C5orf34: variants seen among roughly 807,000 people sequenced by gnomAD.
C5orf34 encodes uncharacterized protein C5orf34.
A neutral mutation model predicts 78.4 loss-of-function variants in C5orf34; 73 were observed. That is an observed-to-expected ratio of 0.93 (90% CI 0.77 to 1.13). C5orf34 has a LOEUF of 1.13. C5orf34 is among the 50% of genes most tolerant of loss of function. The probability of loss-of-function intolerance (pLI) is 0.00; values close to 1 mark genes in which losing one functional copy is unlikely to be tolerated. For synonymous variants in C5orf34, 251 were observed against 246.6 expected (o/e 1.02, Z -0.17); for missense variants, 730 against 732.7 (o/e 1.00, Z 0.04).
intron 1 of C5orf34, among the ~76,000 whole-genome samples, chr5:43,510,438 T>C (rs1357669486): frequency 6.6e-6 from 1 of 152,104 alleles, no homozygotes; most frequent in African/African-American, 2.4e-5. Flanking sequence ...TCCCTCTCCC[T>C]CTCCCCACGG....
intron 11 of C5orf34, chr5:43,490,291 C>T (rs770507708): frequency 5.7e-6 from 1 of 176,294 alleles, no homozygotes; most frequent in Non-Finnish European, 1.2e-5. Flanking sequence ...CTTTTATTTC[C>T]TTCAACATTA....
intron 6 of C5orf34, among the ~76,000 whole-genome samples, chr5:43,497,011 G>GAT (rs1745557878): frequency 6.6e-6 from 1 of 151,972 alleles, no homozygotes; most frequent in African/African-American, 2.4e-5. Context: ...AAAAGACATG[G>GAT]ATATATAGAT....
At position 43,503,713 on chromosome 5, in the gene C5orf34, G is replaced by A; in HGVS notation, c.980C>T (p.Ser327Phe). Residue 327 changes from serine (S) to phenylalanine (F), a missense_variant, in exon 5 of 13, where the codon TCC (serine) becomes TTC (phenylalanine). Physicochemically the swap from Ser to Phe is radical, Grantham distance 155. Transcript: ENST00000306862. ...SLLQRQSDEY[S>F]YPELVKMVWY... is the part of the protein sequence containing the mutation. Reference sequence around the variant, plus strand: ...AACCATTTTCACTAGTTCAGGATAGGAATATTCATCAGATTGTCTCTGTAA... The same window carrying A: ...AACCATTTTCACTAGTTCAGGATAGAAATATTCATCAGATTGTCTCTGTAA... 6.2e-7 allele frequency: 1 copy of A among 1,613,632 alleles called. No homozygotes were observed. Among genetic ancestry groups the A allele is most frequent in the Non-Finnish European group, 8.5e-7 (1 of 1,179,672 alleles).
intron 6 of C5orf34, among the ~76,000 whole-genome samples, chr5:43,499,713 T>C (rs1745680180): frequency 6.6e-6 from 1 of 152,202 alleles, no homozygotes; most frequent in Non-Finnish European, 1.5e-5. Flanking sequence ...GATATCATTG[T>C]ACGTGTTCTA....
intron 3 of C5orf34, among the ~76,000 whole-genome samples, chr5:43,507,702 G>T (rs938587161): frequency 1.3e-5 from 2 of 152,186 alleles, no homozygotes; most frequent in African/African-American, 2.4e-5. Context: ...GATAGACTAG[G>T]TTCAAATCCT....
intron 6 of C5orf34, chr5:43,495,144 CT>C (rs773964552): frequency 6.2e-7 from 1 of 1,605,710 alleles, no homozygotes; most frequent in Non-Finnish European, 8.5e-7. Context: ...TTGTCCACTG[CT>C]TTGATGACAC....
chr5:43,488,816 A>G (rs1745161662), intron 11 of C5orf34, among the ~76,000 whole-genome samples: 1 of 152,140 alleles, frequency 6.6e-6, no homozygotes, highest in African/African-American at 2.4e-5. Flanking sequence ...TACAAACTGT[A>G]ACTTGACTAG....
chr5:43,502,703 T>A (rs981145181), intron 5 of C5orf34, among the ~76,000 whole-genome samples: 1 of 152,238 alleles, frequency 6.6e-6, no homozygotes, highest in Non-Finnish European at 1.5e-5. Flanking sequence ...GGCTTATGCA[T>A]TTATTTCAAC....
At chr5:43,488,164 C>T in intron 11 of C5orf34, 1 of 527,492 alleles carries the variant, frequency 1.9e-6, no homozygotes, top group Non-Finnish European at 3.4e-6. Flanking sequence ...AAAGTCTACC[C>T]CTTGTAAATC....
chr5:43,499,339 A>G (rs1745666193), intron 6 of C5orf34, among the ~76,000 whole-genome samples: 1 of 152,136 alleles, frequency 6.6e-6, no homozygotes, highest in African/African-American at 2.4e-5. Flanking sequence ...TAGCTTAGCC[A>G]AGTTTTCCTT....
chr5:43,494,569 A>G lies in C5orf34; in HGVS notation c.1185T>C (p.Leu395=). 1 of 1,606,776 alleles carries G rather than the reference A, an allele frequency of 6.2e-7. No homozygotes were observed. The highest frequency in any genetic ancestry group is 8.5e-7 in the Non-Finnish European group (1 of 1,175,188). ...REEKTYSVNN[L]PPDRPGSPFT... Reference sequence around the variant, plus strand: ...ATGGACTTCCCGGTCTATCTGGAGGAAGGTTATTTACTGAGTAAGTTTTCT... The same window carrying G: ...ATGGACTTCCCGGTCTATCTGGAGGGAGGTTATTTACTGAGTAAGTTTTCT... Residue 395 remains leucine, a synonymous_variant, in exon 7 of 13, where the codon CTT becomes CTC. Coordinates refer to ENST00000306862, the MANE Select transcript of C5orf34 (RefSeq NM_198566.4).
chr5:43,496,010 A>T, intron 6 of C5orf34: 1 of 1,591,326 alleles, frequency 6.3e-7, no homozygotes, highest in Non-Finnish European at 8.5e-7. Context: ...GTTAACACCA[A>T]CAATTAGTTG....
At chr5:43,491,373 C>CA (rs1272150106) in intron 10 of C5orf34, among the ~76,000 whole-genome samples, 4 of 151,840 alleles carry the variant, frequency 2.6e-5, no homozygotes, top group Non-Finnish European at 4.4e-5. Flanking sequence ...CAAGAGGTAA[C>CA]AAAAAGCTAT....
chr5:43,514,124 C>G (rs1265723550), intron 1 of C5orf34: 1 of 152,134 alleles, frequency 6.6e-6, no homozygotes, highest in South Asian at 2.1e-4. Context: ...CACTCCATGC[C>G]CCTGTAACAA....
At position 43,508,663 on chromosome 5, in the gene C5orf34, G is replaced by C. The variant is rs1272613848; in HGVS notation, c.199C>G (p.Gln67Glu). The C allele has an allele frequency of 4.4e-6, 7 of 1,578,074 alleles. No homozygotes were observed. Among genetic ancestry groups the C allele is most frequent in the Non-Finnish European group, 6.1e-6 (7 of 1,150,036 alleles). Residue 67 changes from glutamine to glutamate, a missense_variant, in exon 3 of 13, where the codon CAA (glutamine) becomes GAA (glutamate). Coordinates refer to ENST00000306862, the MANE Select transcript of C5orf34 (RefSeq NM_198566.4). ...CGAAAATCTAGGGCTCGCTGTAGTT[G>C]CTCCTATGAAAAGAAATATAAAATG... ...THFVISTYRE[Q>E]LQRALDFRNS...
chr5:43,499,885 A>C (rs1745687162), intron 6 of C5orf34, among the ~76,000 whole-genome samples: 1 of 152,292 alleles, frequency 6.6e-6, no homozygotes, highest in East Asian at 1.9e-4. Context: ...ATGAACATTT[A>C]TTTAGGTTGC....
intron 2 of C5orf34, among the ~76,000 whole-genome samples, 160 bp downstream of exon 2, chr5:43,508,985 A>G (rs942130237): frequency 6.6e-5 from 10 of 152,078 alleles, no homozygotes; most frequent in Admixed American, 2.6e-4. Context: ...TCCTAGAGTA[A>G]CTCCCTTGTA....
chr5:43,505,804 C>A lies in C5orf34; in HGVS notation c.876G>T (p.Val292=). 1 of 1,609,622 alleles carries A rather than the reference C, an allele frequency of 6.2e-7. No individual in the cohort carries two copies. Among genetic ancestry groups the A allele is most frequent in the Non-Finnish European group, 8.5e-7 (1 of 1,177,382 alleles). The change falls in exon 4 of 13, where the codon GTG becomes GTT. Residue 292 remains valine, a synonymous_variant. Transcript: ENST00000306862. ...TSDISEERGK[V]VSVLPRALSL... is the part of the protein sequence containing the mutation. ...ACAGGGCCCTGGGAAGAACAGAAACCACTTTTCCTCTTTCCTCTGAAATAT... is the reference window on the plus strand; with the variant it reads ...ACAGGGCCCTGGGAAGAACAGAAACAACTTTTCCTCTTTCCTCTGAAATAT...
intron 1 of C5orf34, chr5:43,514,392 TG>T (rs1330396029): frequency 3.3e-5 from 5 of 152,222 alleles, no homozygotes; most frequent in Admixed American, 1.3e-4. Flanking sequence ...TATGTCTACT[TG>T]GTATTTTAGG....
Sources: gnomAD v4.1 joint callset for allele counts (sites outside exome capture counted in the v4.1 genomes callset) on GRCh38, gnomAD v4.1.1 for gene constraint, MANE v1.5 for transcripts, NCBI Gene and HGNC (gene_info 2026-07-23, HGNC 2026-07-21) for gene names.